The following SCN4A variants were observed in gnomAD, a reference collection of about 807,000 sequenced individuals.
SCN4A encodes the protein sodium voltage-gated channel alpha subunit 4, also known as sodium channel protein type 4 subunit alpha.
In SCN4A, 83 loss-of-function variants were observed where a neutral mutation model predicts 162.0. The observed-to-expected ratio is 0.51, with a 90% CI of 0.43 to 0.61. SCN4A has a LOEUF of 0.61. Ranked by LOEUF, SCN4A falls within the 20% of genes least tolerant of loss-of-function variation. SCN4A has a pLI of 0.00. For synonymous variants in SCN4A, 944 were observed against 985.1 expected, an observed-to-expected ratio of 0.96 and a Z score of 0.78; for missense variants, 2,196 against 2,462.5, an observed-to-expected ratio of 0.89 and a Z score of 2.29.
At chr17:63,954,508 G>A (rs1303217559) in intron 13 of SCN4A, among the ~76,000 whole-genome samples, 2 of 152,138 alleles carry the variant, frequency 1.3e-5, no homozygotes, top group Non-Finnish European at 2.9e-5. Flanking sequence ...GGGAGGAGGG[G>A]AGGGGGCCGA....
At chr17:63,971,014 C>G in intron 5 of SCN4A, 148 bp downstream of exon 5, 1 of 627,760 alleles carries the variant, frequency 1.6e-6, no homozygotes, top group East Asian at 2.8e-5. Flanking sequence ...GCCCTCTGGT[C>G]ACGTGGGCCC....
chr17:63,943,212 C>CAGAGAG (rs111745569), intron 22 of SCN4A, 116 bp from the exon 23 acceptor site: 15 of 369,788 alleles, frequency 4.1e-5, no homozygotes, highest in African/African-American at 2.8e-4. Flanking sequence ...ACAGAGATGA[C>CAGAGAG]AGAGAGAGAG....
chr17:63,941,352 C>T lies in SCN4A; in HGVS notation c.4930G>A (p.Val1644Met), dbSNP rs775486265. 7.4e-6 allele frequency: 12 copies of T among 1,613,742 alleles called. No homozygotes were observed. Among genetic ancestry groups the T allele is most frequent in the South Asian group, 2.2e-5 (2 of 91,078 alleles). The change falls in exon 24 of 24, where the codon GTG becomes ATG. Residue 1644 changes from valine to methionine, a missense_variant. Val to Met is a conservative substitution (Grantham distance 21). Transcript: ENST00000435607. This position sits in a 1 kb window ranked among gnomAD's most constrained non-coding sequence, Gnocchi z 6.2. Reference protein sequence around the residue: ...FIAYSRLSDFVDTLQEPLRIA... With the variant: ...FIAYSRLSDFMDTLQEPLRIA... ...CTCAGCGGTTCCTGCAGGGTGTCCA[C>T]GAAGTCTGAGAGGCGGCTGTAGGCG... is the stretch of plus-strand genomic sequence containing the variant.
chr17:63,958,253 G>A (rs769119072), intron 12 of SCN4A, among the ~76,000 whole-genome samples: 1 of 151,176 alleles, frequency 6.6e-6, no homozygotes, highest in Non-Finnish European at 1.5e-5. Context: ...CTATGCAGGA[G>A]GCTGAGGTGG....
intron 23 of SCN4A, among the ~76,000 whole-genome samples, chr17:63,942,213 G>C (rs1045088195): frequency 6.6e-6 from 1 of 152,082 alleles, no homozygotes; most frequent in Non-Finnish European, 1.5e-5. Context: ...ACCCTGAAGT[G>C]GGGGAGTGTA....
In SCN4A at chr17:63,953,543, C is replaced by T. The variant is rs902024905; in HGVS notation, c.2377-1643G>A. Among the ~76,000 whole-genome samples, 8 of 149,660 alleles carry T rather than the reference C, an allele frequency of 5.3e-5. No homozygotes were observed. The East Asian group carries it at 8.0e-4, about 15-fold the overall frequency. On this transcript the variant is annotated intron_variant, in intron 13 of 23. Coordinates refer to ENST00000435607, the MANE Select transcript of SCN4A (RefSeq NM_000334.4). ...ACTAAAAATACAAAAATTAGCTGGG[C>T]GTGGTGGTGCACCTATAATCCCAGC...
chr17:63,942,933 A>T lies in SCN4A; in HGVS notation c.4181T>A (p.Ile1394Asn), dbSNP rs763808922. The part of the protein sequence containing the change: ...ILYNINMIFI[I>N]IFTGECVLKM... ...GAGCACGCACTCCCCTGTGAAGATGATGATGAAGATCATGTTGATGTTGTA... is the reference window on the plus strand; with the variant it reads ...GAGCACGCACTCCCCTGTGAAGATGTTGATGAAGATCATGTTGATGTTGTA... The change falls in exon 23 of 24, where the codon ATC (isoleucine) becomes AAC (asparagine). Residue 1394 changes from isoleucine to asparagine, a missense_variant. Coordinates refer to ENST00000435607, the MANE Select transcript of SCN4A (RefSeq NM_000334.4). 6.2e-7 allele frequency: 1 copy of T among 1,614,022 alleles called. No homozygotes were observed. The highest frequency in any genetic ancestry group is 8.5e-7 in the Non-Finnish European group (1 of 1,179,890).
chr17:63,950,507 CCGAGGT>C lies in SCN4A; in HGVS notation c.2853+911_2853+916del, dbSNP rs1207270876. Among the ~76,000 whole-genome samples the C allele has an allele frequency of 3.5e-4, 53 of 152,228 alleles. No individual in the cohort carries two copies. Among genetic ancestry groups the C allele is most frequent in the Admixed American group, 3.5e-3 (53 of 15,282 alleles). On this transcript the variant is annotated intron_variant, in intron 14 of 23. Coordinates refer to ENST00000435607, the MANE Select transcript of SCN4A (RefSeq NM_000334.4). This position sits in a 1 kb window ranked among gnomAD's most constrained non-coding sequence, Gnocchi z 4.6. ...TCCCCCGCCACCTGAGTGCCTCATA[CCGAGGT>C]CTGTGCCACAGTTGCCTGGGTATTT...
chr17:63,959,311 C>A lies in SCN4A; in HGVS notation c.1973G>T (p.Gly658Val), dbSNP rs1418512880. The A allele has an allele frequency of 6.2e-7, 1 of 1,613,952 alleles. No homozygotes were observed. The highest frequency in any genetic ancestry group is 1.1e-5 in the South Asian group (1 of 91,080). ...AGACAGTCCCTGTACGTTGGCCAGG[C>A]CTAGCTCTACCAGGCTGAGGGTGAC... The part of the protein sequence containing the change: ...IIVTLSLVEL[G>V]LANVQGLSVL... The change falls in exon 12 of 24, where the codon GGC (glycine) becomes GTC (valine). Residue 658 changes from glycine (G) to valine (V), a missense_variant. Transcript: ENST00000435607.
rs1322173978 is a variant in SCN4A, at chr17:63,942,812, C to G, written c.4288+14G>C. On this transcript the variant is annotated intron_variant, in intron 23 of 23. Transcript: ENST00000435607. ...GCTCAGTGCTGCCCTGCCGGTCCAG[C>G]CCGCCCCGCTCACCCACAATGGACA... is the stretch of plus-strand genomic sequence containing the variant. 9.3e-6 allele frequency: 15 copies of G among 1,609,980 alleles called. No individual in the cohort carries two copies. The highest frequency in any genetic ancestry group is 1.3e-5 in the Non-Finnish European group (15 of 1,177,262).
rs1465965966 is a variant in SCN4A at position 63,966,206 on chromosome 17, G to A, written c.1138C>T (p.Arg380Trp). Residue 380 changes from arginine to tryptophan, a missense_variant, in exon 8 of 24, where the codon CGG becomes TGG. Physicochemically the swap from Arg to Trp is moderately radical, Grantham distance 101. Coordinates refer to ENST00000435607, the MANE Select transcript of SCN4A (RefSeq NM_000334.4). ...PEGYECIKTGRNPNYGYTSYD... is the reference protein window; with the variant it reads ...PEGYECIKTGWNPNYGYTSYD... Reference sequence around the variant, plus strand: ...CTGGTGTAGCCATAGTTGGGGTTCCGCCCGGTCTTGATGCACTCATAACCC... The same window carrying A: ...CTGGTGTAGCCATAGTTGGGGTTCCACCCGGTCTTGATGCACTCATAACCC... The A allele has an allele frequency of 4.4e-6, 7 of 1,602,746 alleles. No homozygotes were observed. The highest frequency in any genetic ancestry group is 1.1e-5 in the South Asian group (1 of 88,650).
At chr17:63,942,700 G>C in intron 23 of SCN4A, 126 bp downstream of exon 23, 1 of 958,958 alleles carries the variant, frequency 1.0e-6, no homozygotes. Context: ...GTGAATGGCA[G>C]GCACGCACAG....
Position 63,966,177 on chromosome 17 carries a change from A to G in SCN4A, c.1167T>C (p.Tyr389=), listed in dbSNP as rs16947296. 31,262 of 1,597,992 alleles carry G rather than the reference A, an allele frequency of 0.02. 567 individuals carry two copies. The highest frequency in any genetic ancestry group is 0.093 in the African/African-American group (6,973 of 74,714). Residue 389 remains tyrosine, a synonymous_variant, in exon 8 of 24, where the codon TAT becomes TAC. Transcript: ENST00000435607. The part of the protein sequence containing the change: ...GRNPNYGYTS[Y]DTFSWAFLAL... ...CCAAGAAGGCCCAGCTGAAGGTGTC[A>G]TAGCTGGTGTAGCCATAGTTGGGGT...
chr17:63,950,439 C>T lies in SCN4A; in HGVS notation c.2854-911G>A, dbSNP rs767640693. Among the ~76,000 whole-genome samples the T allele has an allele frequency of 2.0e-4, 31 of 152,216 alleles. No individual in the cohort carries two copies. Among genetic ancestry groups the T allele is most frequent in the African/African-American group, 2.9e-4 (12 of 41,542 alleles). The stretch of plus-strand genomic sequence containing the variant: ...CCTCCTTGAACAAGTCCCCAGGCCC[C>T]GGCCCCGGCCCCGGGGAGCCTGGGA... On this transcript the variant is annotated intron_variant, in intron 14 of 23. Coordinates refer to ENST00000435607, the MANE Select transcript of SCN4A (RefSeq NM_000334.4). The surrounding 1 kb of genome is among the most constrained non-coding windows in gnomAD (Gnocchi z 4.6).
In SCN4A at chr17:63,944,869, C is replaced by A; in HGVS notation, c.3775-59G>T. The A allele has an allele frequency of 6.2e-7, 1 of 1,603,060 alleles. No individual in the cohort carries two copies. Among genetic ancestry groups the A allele is most frequent in the Non-Finnish European group, 8.5e-7 (1 of 1,174,236 alleles). ...TGCACGCTGGCTTCTCCCTGCCCCC[C>A]ACAGCCCTGAGGGCAGGACCCATCC... is the stretch of plus-strand genomic sequence containing the variant. On this transcript the variant is annotated intron_variant, in intron 20 of 23. Transcript: ENST00000435607. This position sits in a 1 kb window ranked among gnomAD's most constrained non-coding sequence, Gnocchi z 4.3.
At position 63,945,188 on chromosome 17, in the gene SCN4A, G is replaced by C; in HGVS notation, c.3721-128C>G. 9.3e-7 allele frequency: 1 copy of C among 1,077,950 alleles called. No individual in the cohort carries two copies. The highest frequency in any genetic ancestry group is 1.4e-6 in the Non-Finnish European group (1 of 728,370). The allele number at this position is 1,077,950 out of a possible 1,614,324, so 66.8% of individuals were successfully genotyped here. ...CGCCTGCCAGAGCCCCACTGGGCTA[G>C]CATCAAATAAAGACCAGAGAGGTCT... On this transcript the variant is annotated intron_variant, in intron 19 of 23. Transcript: ENST00000435607. The surrounding 1 kb of genome is among the most constrained non-coding windows in gnomAD (Gnocchi z 4.4).
rs764116591 is a variant in SCN4A at position 63,961,479 on chromosome 17, G to C, written c.1607-48C>G. The C allele has an allele frequency of 8.1e-6, 11 of 1,361,420 alleles. No homozygotes were observed. In the South Asian group the frequency reaches 1.3e-4, roughly 16 times the overall value. 84.3% of individuals were successfully genotyped at this position (1,361,420 alleles called of 1,614,324 possible). ...TATCTGGTGAGGATTATCCCCTCAC[G>C]TGCCCCCGGCTCCAGCTAGAGCTTT... On this transcript the variant is annotated intron_variant, in intron 10 of 23. Transcript: ENST00000435607.
At chr17:63,942,628 A>G (rs1908578338) in intron 23 of SCN4A, among the ~76,000 whole-genome samples, 198 bp downstream of exon 23, 1 of 152,236 alleles carries the variant, frequency 6.6e-6, no homozygotes, top group Admixed American at 6.5e-5. Flanking sequence ...CCTGAGGTGC[A>G]TCCATGTGTG....
In SCN4A at chr17:63,959,275, G is replaced by C. The variant is rs914586984; in HGVS notation, c.2009C>G (p.Ser670Cys). 3.7e-6 allele frequency: 6 copies of C among 1,612,058 alleles called. No homozygotes were observed. Among genetic ancestry groups the C allele is most frequent in the Non-Finnish European group, 5.1e-6 (6 of 1,178,468 alleles). ...ANVQGLSVLR[S>C]FRLLRVFKLA... ...GGGGCTTTTGTGTACCAGACGGAAG[G>C]AGCGTAGCACAGACAGTCCCTGTAC... The change falls in exon 12 of 24, where the codon TCC becomes TGC. Residue 670 changes from serine (S) to cysteine (C), a missense_variant. Coordinates refer to ENST00000435607, the MANE Select transcript of SCN4A (RefSeq NM_000334.4).
Sources: gnomAD v4.1 joint callset for allele counts (sites outside exome capture counted in the v4.1 genomes callset) on GRCh38, gnomAD v4.1.1 for gene constraint, Gnocchi (gnomAD v3.1) non-coding constraint, MANE v1.5 for transcripts, NCBI Gene and HGNC (gene_info 2026-07-23, HGNC 2026-07-21) for gene names.